CCDC171: variants seen among roughly 807,000 people sequenced by gnomAD.
CCDC171 encodes the protein coiled-coil domain-containing protein 171.
A neutral mutation model predicts 168.2 loss-of-function variants in CCDC171; 177 were observed. The ratio of observed to expected loss-of-function variants is 1.05; its 90% CI spans 0.93 to 1.19. CCDC171 has a LOEUF of 1.19. CCDC171 is among the 50% of genes most tolerant of loss of function. CCDC171 has a pLI of 0.00. For missense variants in CCDC171, 1,991 were observed against 1,539.0 expected, an observed-to-expected ratio of 1.29 and a Z score of -4.91; for synonymous variants, 687 against 540.8, an observed-to-expected ratio of 1.27 and a Z score of -3.75.
At chr9:15,984,197 C>CAGGTGGGCAACAAGG (rs372415223) in intron 3 of CCDC171, among the ~76,000 whole-genome samples, 1 of 152,002 alleles carries the variant, frequency 6.6e-6, no homozygotes, top group Non-Finnish European at 1.5e-5. Context: ...ATCTGGAGCC[C>CAGGTGGGCAACAAGG]TAAGACCTGC....
chr9:15,802,609 G>C (rs1195834273), intron 21 of CCDC171, among the ~76,000 whole-genome samples: 1 of 151,958 alleles, frequency 6.6e-6, no homozygotes, highest in African/African-American at 2.4e-5. Flanking sequence ...ATGGCTGCAT[G>C]GTATTCCATG....
At chr9:15,852,978 G>A (rs1172025094) in intron 23 of CCDC171, among the ~76,000 whole-genome samples, 1 of 151,530 alleles carries the variant, frequency 6.6e-6, no homozygotes, top group Non-Finnish European at 1.5e-5. Flanking sequence ...CGTAAGTTTT[G>A]ATGACGATGT....
At chr9:15,771,845 G>A (rs553876290) in intron 18 of CCDC171, among the ~76,000 whole-genome samples, 1 of 152,082 alleles carries the variant, frequency 6.6e-6, no homozygotes, top group East Asian at 1.9e-4. Flanking sequence ...TTTTTGGGGG[G>A]ACGGGCGGGG....
At chr9:15,897,409 G>C (rs1003928312) in intron 24 of CCDC171, among the ~76,000 whole-genome samples, 2 of 151,986 alleles carry the variant, frequency 1.3e-5, no homozygotes, top group African/African-American at 2.4e-5. Context: ...ATCAAAAGAT[G>C]TTTTGATGGA....
chr9:15,965,129 G>A (rs1488773567), intron 25 of CCDC171, among the ~76,000 whole-genome samples: 2 of 152,124 alleles, frequency 1.3e-5, no homozygotes, highest in Non-Finnish European at 2.9e-5. Context: ...CAACATATAA[G>A]CTCCTTTGAT....
intron 1 of CCDC171, among the ~76,000 whole-genome samples, chr9:15,560,178 A>C (rs1309690342): frequency 1.3e-5 from 2 of 151,806 alleles, no homozygotes; most frequent in South Asian, 2.1e-4. Flanking sequence ...CTTCATTTCA[A>C]CTTTGGTGAA....
At chr9:15,955,807 G>C (rs866553682) in intron 25 of CCDC171, among the ~76,000 whole-genome samples, 70 of 152,202 alleles carry the variant, frequency 4.6e-4, no homozygotes, top group African/African-American at 1.6e-3. Flanking sequence ...GTGATAAGGT[G>C]CTTTCTATCA....
intron 22 of CCDC171, among the ~76,000 whole-genome samples, chr9:15,847,738 TA>T (rs1429198185): frequency 6.6e-5 from 10 of 152,232 alleles, no homozygotes; most frequent in African/African-American, 2.4e-4. Context: ...GATATGAATA[TA>T]GTCTGTAAAC....
chr9:15,658,343 G>A (rs2048086952), intron 8 of CCDC171, among the ~76,000 whole-genome samples: 1 of 152,154 alleles, frequency 6.6e-6, no homozygotes, highest in South Asian at 2.1e-4. Flanking sequence ...AATAACTCTG[G>A]TGCCATATTG....
intron 3 of CCDC171, among the ~76,000 whole-genome samples, chr9:15,984,921 T>C (rs1199743142): frequency 6.6e-6 from 1 of 152,178 alleles, no homozygotes; most frequent in Non-Finnish European, 1.5e-5. Context: ...CTATTGGTAA[T>C]TTGAAGTATT....
chr9:15,793,578 T>TTTA, intron 21 of CCDC171, among the ~76,000 whole-genome samples: 1 of 98,488 alleles, frequency 1.0e-5, no homozygotes, highest in African/African-American at 3.3e-5. Flanking sequence ...TTTTTTTTTT[T>TTTA]TTGAGACAGA....
At chr9:15,562,358 T>C (rs778027806) in intron 1 of CCDC171, among the ~76,000 whole-genome samples, 1 of 152,272 alleles carries the variant, frequency 6.6e-6, no homozygotes, top group Admixed American at 6.5e-5. Context: ...AAAAGTCTTA[T>C]ATAATGTAAT....
chr9:15,662,087 G>T (rs1340993502), intron 8 of CCDC171, among the ~76,000 whole-genome samples: 5 of 152,302 alleles, frequency 3.3e-5, no homozygotes, highest in African/African-American at 4.8e-5. Context: ...GACCAGTCTG[G>T]CCAACGTGGC....
At chr9:15,814,872 G>A (rs929958724) in intron 21 of CCDC171, among the ~76,000 whole-genome samples, 9 of 151,974 alleles carry the variant, frequency 5.9e-5, no homozygotes, top group South Asian at 2.1e-4. Flanking sequence ...ATTGTATATC[G>A]AAAGTAATTA....
chr9:15,972,815 G>A lies in CCDC171; in HGVS notation c.*979G>A, dbSNP rs1035708788. 2.6e-5 allele frequency: 4 copies of A among 152,110 alleles called. No homozygotes were observed. The highest frequency in any genetic ancestry group is 4.4e-5 in the Non-Finnish European group (3 of 68,022). The allele number at this position is 152,110 out of a possible 1,614,324, so 9.4% of individuals were successfully genotyped here. A position where few individuals can be genotyped will look rare whatever the true frequency, so the allele number is the denominator to read the frequency against. On this transcript the variant is annotated 3_prime_UTR_variant, in exon 26 of 26. Coordinates refer to ENST00000380701, the MANE Select transcript of CCDC171 (RefSeq NM_173550.4). ...CAAAAGTAAAATTGTATGTCAGGCC[G>A]AGATGTCGGGGAGCTGACAAGATGC...
intron 12 of CCDC171, 138 bp downstream of exon 12, chr9:15,722,013 T>C (rs1182651858): frequency 5.4e-6 from 2 of 370,232 alleles, no homozygotes; most frequent in African/African-American, 4.2e-5. Flanking sequence ...ATAAATTATC[T>C]TTCGCTGTTC....
chr9:15,624,545 G>A (rs1295317827), intron 7 of CCDC171, among the ~76,000 whole-genome samples: 1 of 151,946 alleles, frequency 6.6e-6, no homozygotes, highest in Non-Finnish European at 1.5e-5. Flanking sequence ...TCTCACCTAT[G>A]AGTGAGAACA....
intron 21 of CCDC171, among the ~76,000 whole-genome samples, chr9:15,792,411 C>G (rs899444813): frequency 1.3e-5 from 2 of 152,090 alleles, no homozygotes; most frequent in African/African-American, 4.8e-5. Context: ...AGGATATTAT[C>G]CAGGAGAACT....
At position 15,972,194 on chromosome 9, in the gene CCDC171, A is replaced by G. The variant is rs1204059741; in HGVS notation, c.*358A>G. The G allele has an allele frequency of 1.4e-5, 3 of 220,540 alleles. No individual in the cohort carries two copies. Among genetic ancestry groups the G allele is most frequent in the East Asian group, 2.4e-4 (2 of 8,174 alleles). The allele number at this position is 220,540 out of a possible 1,614,324, so 13.7% of individuals were successfully genotyped here. On this transcript the variant is annotated 3_prime_UTR_variant, in exon 26 of 26. Transcript: ENST00000380701. The stretch of plus-strand genomic sequence containing the variant: ...TTGTCTATTTTAAAGCAGGACTGCA[A>G]TGCTTTAATAGGATTGAGAGAGCTA...
Sources: gnomAD v4.1 joint callset for allele counts (sites outside exome capture counted in the v4.1 genomes callset) on GRCh38, gnomAD v4.1.1 for gene constraint, MANE v1.5 for transcripts, NCBI Gene and HGNC (gene_info 2026-07-23, HGNC 2026-07-21) for gene names.